FAAH2: variants seen among roughly 807,000 people sequenced by gnomAD.
The protein encoded by FAAH2 is fatty acid amide hydrolase 2.
In FAAH2, 60 loss-of-function variants were observed where a neutral mutation model predicts 36.9. The observed-to-expected ratio is 1.63, with a 90% CI of 1.32 to 2.02. The LOEUF (loss-of-function observed/expected upper bound fraction) is 2.02. Ranked by LOEUF, FAAH2 falls within the 30% of genes most tolerant of loss-of-function variation. The pLI is 0.00. For synonymous variants in FAAH2, 214 were observed against 143.8 expected (o/e 1.49, Z -3.49); for missense variants, 689 against 397.5 (o/e 1.73, Z -6.23).
chrX:57,378,749 C>T lies in FAAH2; in HGVS notation c.841C>T (p.Pro281Ser), dbSNP rs753409488. ...PMCRYAEDLA[P>S]MLKVMAGPGI... ...GTGCCGTTATGCTGAAGACCTGGCC[C>T]CCATGTTGAAGGTCATGGCAGGACC... The change falls in exon 6 of 11, where the codon CCC becomes TCC. Residue 281 changes from proline to serine, a missense_variant. Transcript: ENST00000374900. The T allele has an allele frequency of 3.3e-6, 4 of 1,207,934 alleles. No individual in the cohort carries two copies. The African/African-American group carries it at 7.0e-5, about 21-fold the overall frequency.
chrX:57,374,765 G>A (rs1231371213), intron 5 of FAAH2, among the ~76,000 whole-genome samples: 1 of 111,235 alleles, frequency 9.0e-6, no homozygotes, highest in East Asian at 2.8e-4. Context: ...GGTGGTGAGA[G>A]TGGGCATCCT....
chrX:57,300,985 G>C (rs781073761), intron 2 of FAAH2, among the ~76,000 whole-genome samples: 1 of 111,544 alleles, frequency 9.0e-6, no homozygotes, highest in African/African-American at 3.3e-5. Flanking sequence ...AGGATGTGGA[G>C]AAATAGGAAC....
chrX:57,200,729 A>T, the FAAH2 span, among the ~76,000 whole-genome samples: 1 of 111,558 alleles, frequency 9.0e-6, no homozygotes, highest in African/African-American at 3.3e-5. Context: ...TTATTGTATT[A>T]TCTGTCTTGA....
In FAAH2 at chrX:57,427,263, C is replaced by A. The variant is rs751033435; in HGVS notation, c.997-4655C>A. On this transcript the variant is annotated intron_variant, in intron 7 of 10. Transcript: ENST00000374900. ...ATAATAATATTAAAAAACTTCCCAACAAAGAAAGGCCCAGGACCAAATGGA... is the reference window on the plus strand; with the variant it reads ...ATAATAATATTAAAAAACTTCCCAAAAAAGAAAGGCCCAGGACCAAATGGA... Among the ~76,000 whole-genome samples, 190 of 110,081 alleles carry A rather than the reference C, an allele frequency of 1.7e-3. 1 individual carries two copies. Among genetic ancestry groups the A allele is most frequent in the Admixed American group, 3.7e-3 (38 of 10,295 alleles).
chrX:57,131,554 T>C, the FAAH2 span, among the ~76,000 whole-genome samples: 625 of 111,949 alleles, frequency 5.6e-3, 5 homozygotes, highest in African/African-American at 0.019. Context: ...AGTTCAGCTT[T>C]TATTAAATAC....
In FAAH2 at chrX:57,453,633, C is replaced by T. The variant is rs184181629; in HGVS notation, c.1423+4915C>T. On this transcript the variant is annotated intron_variant, in intron 10 of 10. Coordinates refer to ENST00000374900, the MANE Select transcript of FAAH2 (RefSeq NM_174912.4). ...GCAGGTCAGGCAACTGCACCCAAAC[C>T]CGCCACTCATAGCCAGGAAATCCAT... 3.1e-3 allele frequency among the ~76,000 whole-genome samples: 349 copies of T among 110,966 alleles called. 1 individual carries two copies. Among genetic ancestry groups the T allele is most frequent in the African/African-American group, 0.011 (345 of 30,502 alleles).
chrX:57,360,798 G>C (rs756652695), intron 5 of FAAH2, among the ~76,000 whole-genome samples: 8 of 110,725 alleles, frequency 7.2e-5, no homozygotes, highest in Non-Finnish European at 1.3e-4. Context: ...ACATTCATTA[G>C]CTATGTGCCC....
At chrX:57,439,794 G>T (rs760613948) in intron 8 of FAAH2, among the ~76,000 whole-genome samples, 1 of 111,532 alleles carries the variant, frequency 9.0e-6, no homozygotes, top group Non-Finnish European at 1.9e-5. Flanking sequence ...TGTAAGGAAG[G>T]GATCCAGTTT....
intron 3 of FAAH2, among the ~76,000 whole-genome samples, chrX:57,327,495 G>T (rs958132349): frequency 9.1e-6 from 1 of 109,312 alleles, no homozygotes; most frequent in East Asian, 2.9e-4. Context: ...CATAGATTTG[G>T]TGTTTTCACA....
At chrX:57,394,200 G>C (rs2055236711) in intron 7 of FAAH2, 1 of 654,258 alleles carries the variant, frequency 1.5e-6, no homozygotes, top group African/African-American at 2.2e-5. Context: ...CCAAAGGTGG[G>C]GCCCTGAGAA....
At chrX:57,466,156 C>CTCTCTCTCTATA (rs1287266105) in intron 10 of FAAH2, among the ~76,000 whole-genome samples, 116 of 66,387 alleles carry the variant, frequency 1.7e-3, no homozygotes, top group Non-Finnish European at 2.2e-3. Context: ...CTCTCTCTCT[C>CTCTCTCTCTATA]TATATATATA....
the FAAH2 span, among the ~76,000 whole-genome samples, chrX:57,243,584 T>C: frequency 8.9e-6 from 1 of 112,361 alleles, no homozygotes; most frequent in East Asian, 2.8e-4. Flanking sequence ...CTGCAGCCTC[T>C]GCTGGTGATA....
At chrX:57,347,816 G>A (rs1034134309) in intron 5 of FAAH2, among the ~76,000 whole-genome samples, 69 of 108,663 alleles carry the variant, frequency 6.3e-4, no homozygotes, top group African/African-American at 2.3e-3. Context: ...TTTTGCCTTG[G>A]GTTTCTCAGG....
chrX:57,471,845 C>G lies in FAAH2; in HGVS notation c.1424-16912C>G, dbSNP rs1304390764. ...TCACACTACCTGACTTCAAACTATACTACAAGGCTACAGTAACCAAAACAG... is the reference window on the plus strand; with the variant it reads ...TCACACTACCTGACTTCAAACTATAGTACAAGGCTACAGTAACCAAAACAG... On this transcript the variant is annotated intron_variant, in intron 10 of 10. Transcript: ENST00000374900. 2.7e-5 allele frequency among the ~76,000 whole-genome samples: 3 copies of G among 111,909 alleles called. 1 individual carries two copies. In the Admixed American group the frequency reaches 2.9e-4, roughly 11 times the overall value.
the FAAH2 span, among the ~76,000 whole-genome samples, chrX:57,200,776 T>C: frequency 8.9e-6 from 1 of 112,263 alleles, no homozygotes; most frequent in African/African-American, 3.2e-5. Context: ...CATCATTTAG[T>C]ATTTCTACTT....
chrX:57,270,940 TC>T, the FAAH2 span, among the ~76,000 whole-genome samples: 1 of 111,907 alleles, frequency 8.9e-6, no homozygotes, highest in Admixed American at 9.4e-5. Flanking sequence ...GCTCTTTTTT[TC>T]CCATACCCCA....
At chrX:57,254,478 T>A in the FAAH2 span, among the ~76,000 whole-genome samples, 1 of 112,106 alleles carries the variant, frequency 8.9e-6, no homozygotes, top group African/African-American at 3.2e-5. Context: ...TACATTCTTC[T>A]CAGCACCACA....
chrX:57,486,734 GC>G lies in FAAH2; in HGVS notation c.1424-2020del, dbSNP rs1420608599. On this transcript the variant is annotated intron_variant, in intron 10 of 10. Coordinates refer to ENST00000374900, the MANE Select transcript of FAAH2 (RefSeq NM_174912.4). ...TCTCTTTTCCCCTACAGAAACAAGA[GC>G]CCAGGGGAATCTTCTTTGGCACTGT... Among the ~76,000 whole-genome samples, 3 of 111,738 alleles carry G rather than the reference GC, an allele frequency of 2.7e-5. No individual in the cohort carries two copies. In the Admixed American group the frequency reaches 2.9e-4, roughly 11 times the overall value.
At chrX:57,459,216 A>G (rs1177873987) in intron 10 of FAAH2, among the ~76,000 whole-genome samples, 1 of 112,483 alleles carries the variant, frequency 8.9e-6, no homozygotes, top group East Asian at 2.8e-4. Flanking sequence ...GCCTGAAAGT[A>G]CAGGCTGAAG....
Sources: allele counts gnomAD v4.1 joint callset (sites outside exome capture counted in the v4.1 genomes callset), GRCh38; gene constraint gnomAD v4.1.1; transcripts MANE v1.5; gene names NCBI Gene and HGNC (gene_info 2026-07-23, HGNC 2026-07-21).